NSL1: variants seen among roughly 807,000 people sequenced by gnomAD.
NSL1 encodes NSL1 component of MIS12 kinetochore complex.
NSL1 carries 11 observed loss-of-function variants against 25.4 expected under a neutral mutation model. The observed-to-expected ratio is 0.43, with a 90% CI of 0.27 to 0.72. The LOEUF is 0.72. NSL1 is among the 30% of genes least tolerant of loss of function. The pLI, the probability that NSL1 is intolerant of heterozygous loss-of-function variation, is 0.19. For missense variants in NSL1, 330 were observed against 342.7 expected (o/e 0.96, Z 0.29); for synonymous variants, 118 against 120.6 (o/e 0.98, Z 0.14).
chr1:212,746,915 G>A (rs965699034), intron 4 of NSL1, among the ~76,000 whole-genome samples: 15 of 152,194 alleles, frequency 9.9e-5, no homozygotes, highest in African/African-American at 3.6e-4. Flanking sequence ...GGAGGCTGAG[G>A]TGGGTGGATC....
At chr1:212,752,616 G>T (rs954113814) in intron 4 of NSL1, among the ~76,000 whole-genome samples, 1 of 152,192 alleles carries the variant, frequency 6.6e-6, no homozygotes, top group African/African-American at 2.4e-5. Context: ...ATAAAAGGTT[G>T]TAAATGTCAA....
chr1:212,741,766 T>C (rs1442605680), intron 4 of NSL1, among the ~76,000 whole-genome samples: 1 of 152,190 alleles, frequency 6.6e-6, no homozygotes, highest in Admixed American at 6.5e-5. Context: ...AGCTGAGCAG[T>C]AGGTACTTAT....
In NSL1 at chr1:212,760,276, G is replaced by A. The variant is rs973832551; in HGVS notation, c.500-20675C>T. 6.6e-6 allele frequency among the ~76,000 whole-genome samples: 1 copy of A among 152,106 alleles called. No individual in the cohort carries two copies. The highest frequency in any genetic ancestry group is 2.4e-5 in the African/African-American group (1 of 41,392). On this transcript the variant is annotated intron_variant, in intron 4 of 5. Coordinates refer to ENST00000366977, the MANE Select transcript of NSL1 (RefSeq NM_015471.4). The surrounding 1 kb of genome is among the most constrained non-coding windows in gnomAD (Gnocchi z 4.3). ...CACAACTTTAGGCACACCATCAGGA[G>A]GCTAAGATCAGGCCCACCCTGCTCT...
chr1:212,757,784 C>A (rs1051378498), intron 4 of NSL1, among the ~76,000 whole-genome samples: 108 of 152,316 alleles, frequency 7.1e-4, no homozygotes, highest in African/African-American at 2.5e-3. Context: ...GGTCCCATTT[C>A]AACCATGAGA....
chr1:212,729,496 G>C lies in NSL1; in HGVS notation c.*8912C>G, dbSNP rs775463168. On this transcript the variant is annotated 3_prime_UTR_variant, in exon 6 of 6. Coordinates refer to ENST00000366977, the MANE Select transcript of NSL1 (RefSeq NM_015471.4). ...GGCTGGGAAAGATCCTGAGGCTCTG[G>C]AGCTGGGGTGTATGGGACCTGGAGC... 2.0e-6 allele frequency: 2 copies of C among 985,224 alleles called. No individual in the cohort carries two copies. The highest frequency in any genetic ancestry group is 2.4e-6 in the Non-Finnish European group (2 of 829,900). 61.0% of individuals were successfully genotyped at this position (985,224 alleles called of 1,614,324 possible).
rs945100881 is a variant in NSL1, at chr1:212,731,001, G to C, written c.*7407C>G. On this transcript the variant is annotated 3_prime_UTR_variant, in exon 6 of 6. Transcript: ENST00000366977. The stretch of plus-strand genomic sequence containing the variant: ...ATGGGCAAAGTATGAGCAATGTAGA[G>C]ACACAGCAACGAATTACAAGGGATT... 6.1e-6 allele frequency: 6 copies of C among 985,282 alleles called. No individual in the cohort carries two copies. Among genetic ancestry groups the C allele is most frequent in the Admixed American group, 1.2e-4 (2 of 16,262 alleles). 61.0% of individuals were successfully genotyped at this position (985,282 alleles called of 1,614,324 possible). A position where few individuals can be genotyped will look rare whatever the true frequency, so the allele number is the denominator to read the frequency against.
Position 212,732,349 on chromosome 1 carries a change from G to A in NSL1, c.*6059C>T, listed in dbSNP as rs773752171. ...TTTTTTGAGATGAAGTTTCGTTCTTGTTGCCCAGGCTGGAGTGCGATGGCG... is the reference window on the plus strand; with the variant it reads ...TTTTTTGAGATGAAGTTTCGTTCTTATTGCCCAGGCTGGAGTGCGATGGCG... On this transcript the variant is annotated 3_prime_UTR_variant, in exon 6 of 6. Transcript: ENST00000366977. The A allele has an allele frequency of 1.3e-4, 107 of 797,200 alleles. No homozygotes were observed. Among genetic ancestry groups the A allele is most frequent in the Non-Finnish European group, 1.6e-4 (105 of 674,522 alleles). 49.4% of individuals were successfully genotyped at this position (797,200 alleles called of 1,614,324 possible).
chr1:212,742,382 A>C (rs542462370), intron 4 of NSL1, among the ~76,000 whole-genome samples: 2 of 152,342 alleles, frequency 1.3e-5, no homozygotes, highest in East Asian at 3.9e-4. Context: ...ATTTATTTGA[A>C]TATAAGAGGA....
Position 212,737,757 on chromosome 1 carries a change from T to C in NSL1, c.*651A>G, listed in dbSNP as rs550692275. 353 of 985,160 alleles carry C rather than the reference T, an allele frequency of 3.6e-4. No individual in the cohort carries two copies. The highest frequency in any genetic ancestry group is 4.1e-4 in the Non-Finnish European group (344 of 829,690). The allele number at this position is 985,160 out of a possible 1,614,324, so 61.0% of individuals were successfully genotyped here. On this transcript the variant is annotated 3_prime_UTR_variant, in exon 6 of 6. Transcript: ENST00000366977. ...AAAAAGTGAGTGTGGGCAGGAAACATTGGCTACATGCCAATTTTTATTTCA... is the reference window on the plus strand; with the variant it reads ...AAAAAGTGAGTGTGGGCAGGAAACACTGGCTACATGCCAATTTTTATTTCA...
Position 212,757,158 on chromosome 1 carries a change from G to A in NSL1, c.500-17557C>T, listed in dbSNP as rs557128269. On this transcript the variant is annotated intron_variant, in intron 4 of 5. Coordinates refer to ENST00000366977, the MANE Select transcript of NSL1 (RefSeq NM_015471.4). Reference sequence around the variant, plus strand: ...CGTAGGGCCAGTGTGTTCTTGGTATGTCCTGAAATAGCAAGAATATTAGTG... The same window carrying A: ...CGTAGGGCCAGTGTGTTCTTGGTATATCCTGAAATAGCAAGAATATTAGTG... 5.9e-5 allele frequency among the ~76,000 whole-genome samples: 9 copies of A among 152,272 alleles called. No individual in the cohort carries two copies. The East Asian group carries it at 1.7e-3, about 29-fold the overall frequency.
rs138531280 is a variant in NSL1 at position 212,791,520 on chromosome 1, G to T, written c.234+10C>A. The T allele has an allele frequency of 6.2e-7, 1 of 1,609,928 alleles. No homozygotes were observed. The highest frequency in any genetic ancestry group is 8.5e-7 in the Non-Finnish European group (1 of 1,177,162). On this transcript the variant is annotated intron_variant, in intron 1 of 5. Coordinates refer to ENST00000366977, the MANE Select transcript of NSL1 (RefSeq NM_015471.4). ...ATGATGAGTAAAGAACTGGCTAACT[G>T]GTCCCGTACCCACTGCGCATCTCGC... is the stretch of plus-strand genomic sequence containing the variant.
At chr1:212,790,574 C>G (rs1468261405) in intron 1 of NSL1, among the ~76,000 whole-genome samples, 6 of 152,074 alleles carry the variant, frequency 3.9e-5, no homozygotes, top group African/African-American at 1.2e-4. Flanking sequence ...AATTTAAAAG[C>G]TCATAATACC....
At chr1:212,781,336 T>C (rs1415712148) in intron 4 of NSL1, among the ~76,000 whole-genome samples, 5 of 152,182 alleles carry the variant, frequency 3.3e-5, no homozygotes, top group African/African-American at 1.2e-4. Context: ...CTTGAGTATA[T>C]CATAATACCA....
At chr1:212,777,238 A>G (rs906174012) in intron 4 of NSL1, among the ~76,000 whole-genome samples, 1 of 152,052 alleles carries the variant, frequency 6.6e-6, no homozygotes, top group Non-Finnish European at 1.5e-5. Flanking sequence ...CTAGCCAGGC[A>G]TGGTGACACA....
chr1:212,747,265 C>CACT (rs985804700), intron 4 of NSL1, among the ~76,000 whole-genome samples: 2 of 152,164 alleles, frequency 1.3e-5, no homozygotes, highest in African/African-American at 2.4e-5. Flanking sequence ...AATAGCAAAT[C>CACT]ACTTCCAAGA....
At chr1:212,768,157 T>C (rs1659909926) in intron 4 of NSL1, among the ~76,000 whole-genome samples, 1 of 151,712 alleles carries the variant, frequency 6.6e-6, no homozygotes, top group Admixed American at 6.6e-5. Context: ...CTGTCTCTAC[T>C]AAAAATACAA....
At chr1:212,790,660 C>T (rs1324894044) in intron 1 of NSL1, among the ~76,000 whole-genome samples, 2 of 152,126 alleles carry the variant, frequency 1.3e-5, no homozygotes, top group African/African-American at 4.8e-5. Context: ...AGGTGGCTCA[C>T]GCCTGTAATA....
intron 4 of NSL1, among the ~76,000 whole-genome samples, chr1:212,776,018 G>A (rs113259830): frequency 3.1e-4 from 47 of 152,048 alleles, no homozygotes; most frequent in African/African-American, 1.0e-3. Context: ...TAGTAGAGAC[G>A]GGGTTTCACC....
At position 212,738,364 on chromosome 1, in the gene NSL1, G is replaced by A; in HGVS notation, c.*44C>T. On this transcript the variant is annotated 3_prime_UTR_variant, in exon 6 of 6. Transcript: ENST00000366977. Reference sequence around the variant, plus strand: ...GTATTAATTAGGCTGTAATCTAAATGTTGATGGTGCCTATTTTCAACTCCC... The same window carrying A: ...GTATTAATTAGGCTGTAATCTAAATATTGATGGTGCCTATTTTCAACTCCC... The A allele has an allele frequency of 6.4e-7, 1 of 1,569,374 alleles. No homozygotes were observed. Among genetic ancestry groups the A allele is most frequent in the Non-Finnish European group, 8.6e-7 (1 of 1,161,826 alleles).
Sources: allele counts gnomAD v4.1 joint callset (sites outside exome capture counted in the v4.1 genomes callset), GRCh38; gene constraint gnomAD v4.1.1; non-coding constraint Gnocchi (gnomAD v3.1); transcripts MANE v1.5; gene names NCBI Gene and HGNC (gene_info 2026-07-23, HGNC 2026-07-21).